Variants in VTA1 observed in about 807,000 individuals in gnomAD.
VTA1 encodes the protein vacuolar protein sorting-associated protein VTA1 homolog.
A neutral mutation model predicts 36.9 loss-of-function variants in VTA1; 24 were observed. The observed-to-expected ratio is 0.65, with a 90% confidence interval of 0.47 to 0.91. VTA1 has a LOEUF of 0.91. VTA1 is among the 40% of genes least tolerant of loss of function. The pLI, the probability that VTA1 is intolerant of heterozygous loss-of-function variation, is 0.00. For missense variants in VTA1, 393 were observed against 377.2 expected (o/e 1.04, Z -0.35); for synonymous variants, 142 against 130.2 (o/e 1.09, Z -0.62).
rs2232301 is a variant in VTA1, at chr6:142,169,536, T to C, written c.208-14T>C. ...AGTCCAAAATCATAAGCTATGTATCTGATTTTATTTTAGCTAAAGAAGCAG... is the reference window on the plus strand; with the variant it reads ...AGTCCAAAATCATAAGCTATGTATCCGATTTTATTTTAGCTAAAGAAGCAG... On this transcript the variant is annotated splice_polypyrimidine_tract_variant and intron_variant, in intron 2 of 7. Transcript: ENST00000367630. 2,031 of 1,606,066 alleles carry C rather than the reference T, an allele frequency of 1.3e-3. 24 individuals carry two copies. The African/African-American group carries it at 0.025, about 19-fold the overall frequency.
rs1222790881 is a variant in VTA1 at position 142,166,235 on chromosome 6, A to G, written c.120A>G (p.Leu40=). 1 of 1,604,506 alleles carries G rather than the reference A, an allele frequency of 6.2e-7. No individual in the cohort carries two copies. The highest frequency in any genetic ancestry group is 1.3e-5 in the African/African-American group (1 of 74,834). The change falls in exon 2 of 8, where the codon TTA becomes TTG. Residue 40 remains leucine, a synonymous_variant. Coordinates refer to ENST00000367630, the MANE Select transcript of VTA1 (RefSeq NM_016485.5). ...TCTTACTTTTCTTTCTAGGTCGTTT[A>G]TACGCAATGCAGACTGGAATGAAGA... The part of the protein sequence containing the change: ...RDPVVAYYCR[L]YAMQTGMKID...
intron 1 of VTA1, among the ~76,000 whole-genome samples, chr6:142,162,893 A>T (rs1438807691): frequency 6.6e-6 from 1 of 152,038 alleles, no homozygotes; most frequent in Non-Finnish European, 1.5e-5. Flanking sequence ...AGAAGAGGAG[A>T]TTATGTTTAG....
intron 1 of VTA1, among the ~76,000 whole-genome samples, chr6:142,161,104 A>G (rs1246852789): frequency 7.6e-6 from 1 of 132,162 alleles, no homozygotes; most frequent in East Asian, 2.9e-4. Flanking sequence ...TTTTGGGTCA[A>G]ATAGTGTGCC....
intron 5 of VTA1, among the ~76,000 whole-genome samples, chr6:142,191,737 T>C (rs1412880566): frequency 6.6e-6 from 1 of 152,120 alleles, no homozygotes; most frequent in African/African-American, 2.4e-5. Flanking sequence ...CAGGGCTTAA[T>C]GTCATAACCT....
intron 6 of VTA1, among the ~76,000 whole-genome samples, chr6:142,202,660 A>G (rs1775711270): frequency 6.6e-6 from 1 of 151,968 alleles, no homozygotes; most frequent in Admixed American, 6.6e-5. Flanking sequence ...TAAGTACACA[A>G]ATTTCTTAGC....
intron 4 of VTA1, among the ~76,000 whole-genome samples, chr6:142,175,860 T>C (rs983262786): frequency 9.9e-5 from 15 of 152,264 alleles, no homozygotes; most frequent in African/African-American, 3.6e-4. Context: ...TTTTTGTTTT[T>C]TTATTTTTTA....
At chr6:142,202,205 TG>T (rs1313373657) in intron 6 of VTA1, among the ~76,000 whole-genome samples, 1 of 151,904 alleles carries the variant, frequency 6.6e-6, no homozygotes, top group Non-Finnish European at 1.5e-5. Flanking sequence ...GCAAGTTTTG[TG>T]GAGAAAATTG....
At chr6:142,182,735 A>G (rs1775265886) in intron 4 of VTA1, among the ~76,000 whole-genome samples, 1 of 152,210 alleles carries the variant, frequency 6.6e-6, no homozygotes, top group African/African-American at 2.4e-5. Flanking sequence ...TCAAACATAC[A>G]GGACAAATAT....
chr6:142,179,183 T>A (rs949789814), intron 4 of VTA1, among the ~76,000 whole-genome samples: 12 of 152,150 alleles, frequency 7.9e-5, no homozygotes, highest in African/African-American at 2.9e-4. Context: ...ATAATTTTTT[T>A]AAATCAATAA....
At chr6:142,178,763 T>A (rs1029851715) in intron 4 of VTA1, among the ~76,000 whole-genome samples, 9 of 152,058 alleles carry the variant, frequency 5.9e-5, no homozygotes, top group Admixed American at 5.2e-4. Context: ...CATACCATAA[T>A]TGTAAATGGA....
intron 7 of VTA1, among the ~76,000 whole-genome samples, chr6:142,216,397 A>G (rs924084911): frequency 1.2e-4 from 18 of 152,170 alleles, no homozygotes; most frequent in African/African-American, 2.2e-4. Context: ...AGGAGAGCCT[A>G]TGTGTTACAA....
chr6:142,213,561 C>T (rs752136848), intron 7 of VTA1, among the ~76,000 whole-genome samples: 4 of 152,254 alleles, frequency 2.6e-5, no homozygotes, highest in Non-Finnish European at 4.4e-5. Context: ...CTCTGCACTG[C>T]TCTTGTAGAG....
At chr6:142,203,806 C>T (rs547234163) in intron 6 of VTA1, among the ~76,000 whole-genome samples, 179 bp from the exon 7 acceptor site, 2 of 152,256 alleles carry the variant, frequency 1.3e-5, no homozygotes, top group African/African-American at 4.8e-5. Context: ...ATAGCCCATA[C>T]ACATATGTAA....
At chr6:142,169,481 A>G in intron 2 of VTA1, 69 bp from the exon 3 acceptor site, 1 of 1,437,928 alleles carries the variant, frequency 7.0e-7, no homozygotes, top group South Asian at 1.3e-5. Flanking sequence ...GATTATTAGA[A>G]TTGTTTGTAA....
chr6:142,184,566 G>C (rs942543572), intron 4 of VTA1, among the ~76,000 whole-genome samples: 2 of 152,142 alleles, frequency 1.3e-5, no homozygotes, highest in South Asian at 4.1e-4. Context: ...CTGGAAATGA[G>C]GGTGCTTCAT....
At chr6:142,198,121 G>A (rs9321857) in intron 5 of VTA1, among the ~76,000 whole-genome samples, 1,580 of 59,552 alleles carry the variant, frequency 0.027, 31 homozygotes, top group African/African-American at 0.086. Context: ...ATATATATAT[G>A]TGTGTGTGTG....
intron 4 of VTA1, among the ~76,000 whole-genome samples, chr6:142,187,912 C>CT (rs58131768): frequency 0.021 from 2,515 of 120,678 alleles, 79 homozygotes; most frequent in African/African-American, 0.058. Flanking sequence ...TACTTTCTTT[C>CT]TTTTTTTTTT....
chr6:142,218,528 C>T lies in VTA1; in HGVS notation c.809C>T (p.Ala270Val). The change falls in exon 8 of 8, where the codon GCT becomes GTT. Residue 270 changes from alanine (A) to valine (V), a missense_variant. Coordinates refer to ENST00000367630, the MANE Select transcript of VTA1 (RefSeq NM_016485.5). ...GTTCGTCTAACCCCAGAAGACTTTG[C>T]TAGAGCTCAGAAGTACTGCAAATAT... is the stretch of plus-strand genomic sequence containing the variant. ...GDVRLTPEDF[A>V]RAQKYCKYAG... 2 of 1,613,508 alleles carry T rather than the reference C, an allele frequency of 1.2e-6. No individual in the cohort carries two copies. The highest frequency in any genetic ancestry group is 2.2e-5 in the South Asian group (2 of 90,976).
chr6:142,153,849 C>A (rs1448781756), intron 1 of VTA1, among the ~76,000 whole-genome samples: 2 of 152,014 alleles, frequency 1.3e-5, no homozygotes, highest in Admixed American at 6.6e-5. Context: ...AGTTGTAGGT[C>A]CATGTGCAGC....
Sources: gnomAD v4.1 joint callset for allele counts (sites outside exome capture counted in the v4.1 genomes callset) on GRCh38, gnomAD v4.1.1 for gene constraint, MANE v1.5 for transcripts, NCBI Gene and HGNC (gene_info 2026-07-23, HGNC 2026-07-21) for gene names.